Variants in IL2RB observed in about 807,000 individuals in gnomAD.
IL2RB encodes the protein interleukin-2 receptor subunit beta.
A neutral mutation model predicts 44.2 loss-of-function variants in IL2RB; 17 were observed. The observed-to-expected ratio is 0.38, with a 90% confidence interval of 0.26 to 0.58. The LOEUF (loss-of-function observed/expected upper bound fraction) is 0.58, where lower values mean the gene tolerates loss of function less well. IL2RB is among the 20% of genes least tolerant of loss of function. IL2RB has a pLI of 0.63. For synonymous variants in IL2RB, 286 were observed against 297.9 expected (o/e 0.96, Z 0.41); for missense variants, 624 against 685.5 (o/e 0.91, Z 1.00).
intron 1 of IL2RB, among the ~76,000 whole-genome samples, chr22:37,171,517 C>T (rs1474767149): frequency 6.6e-6 from 1 of 152,150 alleles, no homozygotes; most frequent in Admixed American, 6.5e-5. Flanking sequence ...GACAGAGAAT[C>T]AGGAGCACAA....
chr22:37,142,564 G>A (rs1179144072), intron 3 of IL2RB, 52 bp from the exon 4 acceptor site: 1 of 1,553,004 alleles, frequency 6.4e-7, no homozygotes, highest in Non-Finnish European at 8.9e-7. Context: ...CCACACAGCT[G>A]GCCCAAGGGA....
At chr22:37,154,791 GT>G (rs1922621503), upstream of IL2RB, among the ~76,000 whole-genome samples, 3 of 152,132 alleles carry the variant, frequency 2.0e-5, no homozygotes, top group South Asian at 6.2e-4. Context: ...GGCCAGGACG[GT>G]CTCGATCTCC....
At chr22:37,142,720 T>G in intron 3 of IL2RB, 2 of 706,788 alleles carry the variant, frequency 2.8e-6, no homozygotes, top group Non-Finnish European at 2.6e-6. Flanking sequence ...TGCTCCCTCA[T>G]CCCAGCCTGG....
At chr22:37,145,833 C>T (rs1922199125) in intron 1 of IL2RB, among the ~76,000 whole-genome samples, 1 of 152,064 alleles carries the variant, frequency 6.6e-6, no homozygotes, top group Non-Finnish European at 1.5e-5. Flanking sequence ...GAGCGTTGGG[C>T]ATTTCCCCCG....
chr22:37,135,854 G>A (rs1015021524), intron 7 of IL2RB, among the ~76,000 whole-genome samples: 1 of 152,186 alleles, frequency 6.6e-6, no homozygotes, highest in Admixed American at 6.5e-5. Context: ...TGAGGGCCAG[G>A]CTGCCGGGAC....
intron 1 of IL2RB, among the ~76,000 whole-genome samples, chr22:37,170,377 G>GACAGGGATGGACA (rs1484990873): frequency 1.2e-4 from 19 of 152,274 alleles, no homozygotes; most frequent in African/African-American, 4.6e-4. Context: ...GAGAGCAGCT[G>GACAGGGATGGACA]AGAAGAGCAA....
chr22:37,169,315 C>CGTTTACAGAGGGGTTCTT (rs1923193532), intron 1 of IL2RB, among the ~76,000 whole-genome samples: 3 of 135,354 alleles, frequency 2.2e-5, no homozygotes, highest in Admixed American at 2.1e-4. Flanking sequence ...CTTGTTTACA[C>CGTTTACAGAGGGGTTCTT]GTTTACAGAG....
At chr22:37,170,098 A>G (rs1371492584) in intron 1 of IL2RB, among the ~76,000 whole-genome samples, 1 of 137,534 alleles carries the variant, frequency 7.3e-6, no homozygotes, top group African/African-American at 3.5e-5. Flanking sequence ...GAATGGATGG[A>G]TGGATGGATG....
intron 4 of IL2RB, 102 bp from the exon 5 acceptor site, chr22:37,139,324 G>T: frequency 1.4e-6 from 1 of 737,752 alleles, no homozygotes. Context: ...CTCTCCACAT[G>T]CCCCGCCACC....
chr22:37,162,302 C>T (rs1922908853), intron 1 of IL2RB, among the ~76,000 whole-genome samples: 1 of 152,160 alleles, frequency 6.6e-6, no homozygotes, highest in Non-Finnish European at 1.5e-5. Flanking sequence ...GCATTGGATG[C>T]TCAAGGACAG....
intron 1 of IL2RB, among the ~76,000 whole-genome samples, chr22:37,158,456 G>A (rs1016576840): frequency 2.0e-5 from 3 of 152,174 alleles, no homozygotes; most frequent in Non-Finnish European, 4.4e-5. Flanking sequence ...TATTCAGGAG[G>A]CTGAGGCAGA....
intron 1 of IL2RB, among the ~76,000 whole-genome samples, chr22:37,160,971 A>G (rs4821591): frequency 0.34 from 51,860 of 151,976 alleles, 9,567 homozygotes; most frequent in African/African-American, 0.49. Flanking sequence ...GTGAAACCCC[A>G]TCTCTACTAA....
upstream of IL2RB, among the ~76,000 whole-genome samples, chr22:37,151,834 T>C (rs1432646579): frequency 6.6e-6 from 1 of 152,170 alleles, no homozygotes; most frequent in Admixed American, 6.5e-5. Flanking sequence ...TCCCCAAAGG[T>C]ATGTTTTTGG....
intron 8 of IL2RB, among the ~76,000 whole-genome samples, chr22:37,133,536 G>A (rs964124206): frequency 3.3e-5 from 5 of 152,224 alleles, no homozygotes; most frequent in Non-Finnish European, 7.3e-5. Context: ...AAAGTCGAGT[G>A]AGGTGACACA....
At chr22:37,144,018 G>A in intron 2 of IL2RB, 67 bp downstream of exon 2, 1 of 1,547,530 alleles carries the variant, frequency 6.5e-7, no homozygotes, top group Non-Finnish European at 8.7e-7. Flanking sequence ...CTGGGAAGAG[G>A]CTTTAGCAGG....
chr22:37,164,505 G>T (rs1009053952), intron 1 of IL2RB, among the ~76,000 whole-genome samples: 2 of 151,860 alleles, frequency 1.3e-5, no homozygotes, highest in Non-Finnish European at 2.9e-5. Flanking sequence ...TGGGCAGGGG[G>T]GATGGTGGAA....
At chr22:37,132,826 G>A (rs1023787085) in intron 8 of IL2RB, among the ~76,000 whole-genome samples, 2 of 152,230 alleles carry the variant, frequency 1.3e-5, no homozygotes, top group African/African-American at 4.8e-5. Flanking sequence ...GGTCAGGGAC[G>A]GAGATGGCTA....
rs3218298 is a variant in IL2RB at position 37,136,215 on chromosome 22, C to T, written c.703+13G>A. 9.1e-3 allele frequency: 14,515 copies of T among 1,603,146 alleles called. 1,080 individuals carry two copies. In the African/African-American group the frequency reaches 0.17, roughly 19 times the overall value. The stretch of plus-strand genomic sequence containing the variant: ...TGCCTGAGCCCCCTCTCACCCTTGC[C>T]GCCCACCAGTACCTGCAGGCTTTGT... On this transcript the variant is annotated intron_variant, in intron 7 of 9. Coordinates refer to ENST00000216223, the MANE Select transcript of IL2RB (RefSeq NM_000878.5).
chr22:37,159,392 C>T (rs572158002), intron 1 of IL2RB, among the ~76,000 whole-genome samples: 2 of 152,222 alleles, frequency 1.3e-5, no homozygotes, highest in African/African-American at 4.8e-5. Context: ...TGACGATGCC[C>T]TCCGTCAGGC....
Sources: gnomAD v4.1 joint callset for allele counts (sites outside exome capture counted in the v4.1 genomes callset) on GRCh38, gnomAD v4.1.1 for gene constraint, MANE v1.5 for transcripts, NCBI Gene and HGNC (gene_info 2026-07-23, HGNC 2026-07-21) for gene names.